RB1: variants seen among roughly 807,000 people sequenced by gnomAD.
The protein encoded by RB1 is RB transcriptional corepressor 1, also known as retinoblastoma-associated protein.
Under a neutral mutation model 135.4 loss-of-function variants are expected in RB1, and 18 were observed. That is an observed-to-expected ratio of 0.13 (90% CI 0.09 to 0.20). The LOEUF is 0.20. RB1 is among the 10% of genes least tolerant of loss of function. The pLI, the probability that RB1 is intolerant of heterozygous loss-of-function variation, is 1.00. For synonymous variants in RB1, 365 were observed against 373.2 expected, an observed-to-expected ratio of 0.98 and a Z score of 0.25; for missense variants, 868 against 1,110.0, an observed-to-expected ratio of 0.78 and a Z score of 3.10.
chr13:48,321,868 C>T (rs1370132562), intron 2 of RB1, among the ~76,000 whole-genome samples: 3 of 151,546 alleles, frequency 2.0e-5, no homozygotes, highest in East Asian at 1.9e-4. Flanking sequence ...AAAACAGCAA[C>T]AAAAAAAATC....
At chr13:48,402,939 T>G (rs553455298) in intron 17 of RB1, among the ~76,000 whole-genome samples, 7 of 152,274 alleles carry the variant, frequency 4.6e-5, no homozygotes, top group African/African-American at 1.4e-4. Flanking sequence ...CATTTTTATT[T>G]AAATAAATTG....
chr13:48,312,339 T>C (rs1400266666), intron 2 of RB1, among the ~76,000 whole-genome samples: 4 of 152,202 alleles, frequency 2.6e-5, no homozygotes, highest in African/African-American at 7.2e-5. Context: ...GTGCCACAGA[T>C]GAGCCATTAT....
intron 4 of RB1, among the ~76,000 whole-genome samples, chr13:48,347,185 A>G (rs912776038): frequency 6.6e-6 from 1 of 152,146 alleles, no homozygotes; most frequent in African/African-American, 2.4e-5. Flanking sequence ...AAGGGTAACT[A>G]TAGTGGTGAT....
intron 17 of RB1, among the ~76,000 whole-genome samples, chr13:48,440,783 T>G (rs1949229381): frequency 6.6e-6 from 1 of 152,164 alleles, no homozygotes; most frequent in African/African-American, 2.4e-5. Flanking sequence ...AAAAAATTAA[T>G]GTATTCATAA....
chr13:48,319,077 A>C lies in RB1; in HGVS notation c.264+11671A>C. 1 of 614,860 alleles carries C rather than the reference A, an allele frequency of 1.6e-6. No homozygotes were observed. Among genetic ancestry groups the C allele is most frequent in the Non-Finnish European group, 3.0e-6 (1 of 331,052 alleles). 38.1% of individuals were successfully genotyped at this position (614,860 alleles called of 1,614,324 possible). ...GCGGACGTGTCTGCCTGGCACGAGG[A>C]CCGTTCTACAAACTCGTTCCTGGAA... On this transcript the variant is annotated intron_variant, in intron 2 of 26. Coordinates refer to ENST00000267163, the MANE Select transcript of RB1 (RefSeq NM_000321.3). This position sits in a 1 kb window ranked among gnomAD's most constrained non-coding sequence, Gnocchi z 5.0.
chr13:48,359,967 C>A, intron 6 of RB1, 50 bp from the exon 7 acceptor site: 1 of 1,601,238 alleles, frequency 6.2e-7, no homozygotes, highest in Non-Finnish European at 8.5e-7. Flanking sequence ...TTCTCTCATA[C>A]AAAGATCTGA....
At position 48,303,821 on chromosome 13, in the gene RB1, C is replaced by CG. The variant is rs1428289894; in HGVS notation, c.-89dup. 2 of 1,458,422 alleles carry CG rather than the reference C, an allele frequency of 1.4e-6. No individual in the cohort carries two copies. The highest frequency in any genetic ancestry group is 1.8e-6 in the Non-Finnish European group (2 of 1,107,110). The allele number at this position is 1,458,422 out of a possible 1,614,324, so 90.3% of individuals were successfully genotyped here. A position where few individuals can be genotyped will look rare whatever the true frequency, so the allele number is the denominator to read the frequency against. On this transcript the variant is annotated 5_prime_UTR_variant, in exon 1 of 27. Coordinates refer to ENST00000267163, the MANE Select transcript of RB1 (RefSeq NM_000321.3). ...TTGAAATTATTTTTGTAACGGGAGT[C>CG]GGGAGAGGACGGGGCGTGCCCCGAC...
At chr13:48,450,095 T>TA (rs368853300) in intron 17 of RB1, among the ~76,000 whole-genome samples, 14,652 of 75,568 alleles carry the variant, frequency 0.19, 1,392 homozygotes, top group African/African-American at 0.41. Context: ...TATATATATA[T>TA]TTTTTTTTTT....
intron 21 of RB1, among the ~76,000 whole-genome samples, chr13:48,464,188 C>A (rs189133325): frequency 1.2e-4 from 18 of 152,212 alleles, no homozygotes; most frequent in Admixed American, 2.6e-4. Flanking sequence ...ATAAATGCAG[C>A]CTTGCAAATC....
intron 8 of RB1, among the ~76,000 whole-genome samples, chr13:48,364,510 C>T (rs1433642025): frequency 2.0e-5 from 3 of 152,168 alleles, no homozygotes; most frequent in African/African-American, 7.2e-5. Context: ...AGTACATATA[C>T]AAAATATATG....
At chr13:48,316,725 ACACACAC>A (rs1566177969) in intron 2 of RB1, 1 of 1,020 alleles carries the variant, frequency 9.8e-4, no homozygotes, top group East Asian at 0.016. Context: ...ACCATCACAC[ACACACAC>A]ACACACACAC....
chr13:48,327,825 AT>A (rs144647847), intron 2 of RB1, among the ~76,000 whole-genome samples: 10 of 152,164 alleles, frequency 6.6e-5, no homozygotes, highest in Admixed American at 5.9e-4. Flanking sequence ...ACCATTTCTG[AT>A]TTCTTTATTA....
Position 48,362,827 on chromosome 13 carries a change from T to C in RB1, c.731T>C (p.Ile244Thr), listed in dbSNP as rs147754935. 74 of 1,613,578 alleles carry C rather than the reference T, an allele frequency of 4.6e-5. No individual in the cohort carries two copies. The highest frequency in any genetic ancestry group is 6.2e-5 in the Non-Finnish European group (73 of 1,179,710). Reference protein sequence around the residue: ...LLKEPYKTAVIPINGSPRTPR... With the variant: ...LLKEPYKTAVTPINGSPRTPR... ...ACCACTTTTACAGAAACAGCTGTTA[T>C]ACCCATTAATGGTTCACCTCGAACA... The change falls in exon 8 of 27, where the codon ATA becomes ACA. Residue 244 changes from isoleucine to threonine, a missense_variant. Coordinates refer to ENST00000267163, the MANE Select transcript of RB1 (RefSeq NM_000321.3).
chr13:48,377,157 A>G (rs1952835251), intron 13 of RB1, 123 bp downstream of exon 13: 2 of 1,024,176 alleles, frequency 2.0e-6, no homozygotes, highest in East Asian at 2.5e-5. Context: ...GTCAGATACT[A>G]TATCCCTGCT....
intron 17 of RB1, among the ~76,000 whole-genome samples, chr13:48,405,199 CAG>C (rs879303881): frequency 1.3e-5 from 2 of 152,110 alleles, no homozygotes; most frequent in Non-Finnish European, 2.9e-5. Context: ...CATGAGAAAT[CAG>C]ATAGTTTCAT....
intron 23 of RB1, among the ~76,000 whole-genome samples, chr13:48,466,050 C>A (rs1260155326): frequency 6.0e-5 from 9 of 150,996 alleles, no homozygotes; most frequent in Non-Finnish European, 1.2e-4. Context: ...CTGGGTGGAG[C>A]CCACCACAGG....
At chr13:48,394,921 T>TG (rs774872641) in intron 17 of RB1, among the ~76,000 whole-genome samples, 17 of 152,214 alleles carry the variant, frequency 1.1e-4, no homozygotes, top group Non-Finnish European at 1.6e-4. Flanking sequence ...TCTCCTCAAG[T>TG]GGGTCCCTGA....
intron 6 of RB1, among the ~76,000 whole-genome samples, chr13:48,356,637 T>C (rs1355306313): frequency 6.6e-6 from 1 of 152,068 alleles, no homozygotes; most frequent in Non-Finnish European, 1.5e-5. Context: ...TCAAGTATTA[T>C]AACATTTAAA....
chr13:48,412,599 T>C (rs1304430416), intron 17 of RB1: 1 of 631,274 alleles, frequency 1.6e-6, no homozygotes, highest in African/African-American at 1.8e-5. Context: ...ATGAAATTTG[T>C]TGCTGTAAAA....
Sources: allele counts gnomAD v4.1 joint callset (sites outside exome capture counted in the v4.1 genomes callset), GRCh38; gene constraint gnomAD v4.1.1; non-coding constraint Gnocchi (gnomAD v3.1); transcripts MANE v1.5; gene names NCBI Gene and HGNC (gene_info 2026-07-23, HGNC 2026-07-21).